AUTS2: variants seen among roughly 807,000 people sequenced by gnomAD.
AUTS2 encodes activator of transcription and developmental regulator AUTS2.
In AUTS2, 17 loss-of-function variants were observed where a neutral mutation model predicts 112.4. That is an observed-to-expected ratio of 0.15 (90% CI 0.10 to 0.23). AUTS2 has a LOEUF of 0.23. Among genes scored for constraint, AUTS2 ranks in the 10% least tolerant of loss-of-function variants. AUTS2 has a pLI of 1.00. For missense variants in AUTS2, 1,510 were observed against 1,701.6 expected (o/e 0.89, Z 1.98); for synonymous variants, 751 against 702.7 (o/e 1.07, Z -1.09).
intron 6 of AUTS2, among the ~76,000 whole-genome samples, chr7:70,755,403 G>C (rs772726065): frequency 6.6e-6 from 1 of 151,978 alleles, no homozygotes; most frequent in South Asian, 2.1e-4. Flanking sequence ...GGTGGCTCAC[G>C]CCTGTAATCC....
chr7:70,547,555 A>C (rs1452138155), intron 5 of AUTS2, among the ~76,000 whole-genome samples: 1 of 152,126 alleles, frequency 6.6e-6, no homozygotes, highest in African/African-American at 2.4e-5. Context: ...GCCCGGCCGT[A>C]ATGTGTGGTC....
intron 1 of AUTS2, among the ~76,000 whole-genome samples, chr7:69,733,747 A>G (rs1269909119): frequency 6.6e-6 from 1 of 152,110 alleles, no homozygotes; most frequent in Non-Finnish European, 1.5e-5. Flanking sequence ...TTTCTACCCA[A>G]ATCCCTGCAA....
At chr7:70,362,526 T>A (rs1328263791) in intron 4 of AUTS2, among the ~76,000 whole-genome samples, 1 of 152,082 alleles carries the variant, frequency 6.6e-6, no homozygotes, top group Admixed American at 6.6e-5. Context: ...AAAATAAGTA[T>A]GTTCGTTGAT....
intron 1 of AUTS2, among the ~76,000 whole-genome samples, chr7:69,723,172 G>A (rs1799055817): frequency 6.6e-6 from 1 of 151,966 alleles, no homozygotes; most frequent in East Asian, 1.9e-4. Context: ...GCCAGTGTAG[G>A]ACTCTCCCAC....
At position 70,298,728 on chromosome 7, in the gene AUTS2, C is replaced by T. The variant is rs369339189; in HGVS notation, c.661-137024C>T. Among the ~76,000 whole-genome samples the T allele has an allele frequency of 2.0e-5, 3 of 152,294 alleles. No homozygotes were observed. In the East Asian group the frequency reaches 5.8e-4, roughly 29 times the overall value. The stretch of plus-strand genomic sequence containing the variant: ...ATACCTGGGCTCACCTTCTCCTTAA[C>T]CCAAATTAACACATGCTGTTAGTGG... On this transcript the variant is annotated intron_variant, in intron 4 of 18. Coordinates refer to ENST00000342771, the MANE Select transcript of AUTS2 (RefSeq NM_015570.4).
intron 4 of AUTS2, among the ~76,000 whole-genome samples, chr7:70,243,231 T>TTGTGTGTGTGTG (rs3078161): frequency 3.8e-5 from 5 of 131,754 alleles, no homozygotes; most frequent in South Asian, 2.7e-4. Context: ...GAATGTATCC[T>TTGTGTGTGTGTG]TGTGTGTGTG....
At chr7:70,606,641 G>A (rs763579024) in intron 5 of AUTS2, among the ~76,000 whole-genome samples, 18 of 152,026 alleles carry the variant, frequency 1.2e-4, no homozygotes, top group Non-Finnish European at 2.2e-4. Flanking sequence ...CAGGCAGATC[G>A]CCTGAGGTCG....
chr7:69,855,259 A>G (rs1160604376), intron 1 of AUTS2, among the ~76,000 whole-genome samples: 1 of 152,222 alleles, frequency 6.6e-6, no homozygotes, highest in Non-Finnish European at 1.5e-5. Flanking sequence ...GTTCATGGAC[A>G]AGCTAAGTAC....
chr7:70,087,827 C>T (rs563513578), intron 2 of AUTS2, among the ~76,000 whole-genome samples: 7 of 152,244 alleles, frequency 4.6e-5, no homozygotes, highest in Non-Finnish European at 1.0e-4. Context: ...GATTTATCAG[C>T]GAAGCCCTTG....
At chr7:69,699,302 A>G (rs1294845999) in intron 1 of AUTS2, among the ~76,000 whole-genome samples, 1 of 152,184 alleles carries the variant, frequency 6.6e-6, no homozygotes, top group African/African-American at 2.4e-5. Flanking sequence ...TATGTGCCCC[A>G]TTCTTCAGGC....
rs1585203749 is a variant in AUTS2, at chr7:70,486,932, A to G, written c.690+51151A>G. 2.4e-5 allele frequency among the ~76,000 whole-genome samples: 3 copies of G among 127,376 alleles called. No homozygotes were observed. The Admixed American group carries it at 2.5e-4, about 10-fold the overall frequency. 83.6% of individuals were successfully genotyped at this position (127,376 alleles called of 152,430 possible). A position where few individuals can be genotyped will look rare whatever the true frequency, so the allele number is the denominator to read the frequency against. On this transcript the variant is annotated intron_variant, in intron 5 of 18. Coordinates refer to ENST00000342771, the MANE Select transcript of AUTS2 (RefSeq NM_015570.4). ...CCAAAAAAAAAGAAGAAAAGGTTGC[A>G]TATCATCACTTTAAAAGCTGAAGCA...
At chr7:70,717,523 A>G (rs1032188302) in intron 6 of AUTS2, among the ~76,000 whole-genome samples, 2 of 152,142 alleles carry the variant, frequency 1.3e-5, no homozygotes, top group African/African-American at 4.8e-5. Context: ...GGGAGAGGAA[A>G]TTGATCTCCT....
chr7:69,934,875 TGTGC>T (rs1796351709), intron 2 of AUTS2, among the ~76,000 whole-genome samples: 1 of 152,192 alleles, frequency 6.6e-6, no homozygotes, highest in Non-Finnish European at 1.5e-5. Context: ...CCCAAACTGA[TGTGC>T]GTGTGTACCT....
rs1789916705 is a variant in AUTS2, at chr7:70,766,016, C to T, written c.1469-98C>T. The T allele has an allele frequency of 1.3e-6, 2 of 1,520,318 alleles. No homozygotes were observed. Among genetic ancestry groups the T allele is most frequent in the South Asian group, 2.6e-5 (2 of 77,972 alleles). 94.2% of individuals were successfully genotyped at this position (1,520,318 alleles called of 1,614,324 possible). A position where few individuals can be genotyped will look rare whatever the true frequency, so the allele number is the denominator to read the frequency against. ...GCCCAGCCACACCCTGTCACCCCTG[C>T]CACTGTGTCACCAGCCCCGTACCCC... On this transcript the variant is annotated intron_variant, in intron 8 of 18. Transcript: ENST00000342771. The surrounding 1 kb of genome is among the most constrained non-coding windows in gnomAD (Gnocchi z 4.8).
At chr7:70,709,236 C>G (rs1465957550) in intron 6 of AUTS2, among the ~76,000 whole-genome samples, 1 of 151,896 alleles carries the variant, frequency 6.6e-6, no homozygotes, top group African/African-American at 2.4e-5. Context: ...AAATTCTTAC[C>G]AGGTTGGCCC....
chr7:70,224,497 A>G (rs114680823), intron 4 of AUTS2, among the ~76,000 whole-genome samples: 4,087 of 152,294 alleles, frequency 0.027, 61 homozygotes, highest in Non-Finnish European at 0.029. Flanking sequence ...TTTTTAAGCT[A>G]AATGTTATTA....
At chr7:70,669,844 A>G (rs1215380895) in intron 5 of AUTS2, among the ~76,000 whole-genome samples, 2 of 152,242 alleles carry the variant, frequency 1.3e-5, no homozygotes, top group African/African-American at 4.8e-5. Flanking sequence ...CAATTAGCAG[A>G]TTCAAACAGA....
At chr7:69,619,765 A>T (rs1793569101) in intron 1 of AUTS2, among the ~76,000 whole-genome samples, 1 of 152,214 alleles carries the variant, frequency 6.6e-6, no homozygotes, top group Non-Finnish European at 1.5e-5. Context: ...GGATAAAAAC[A>T]GTGAACTAAA....
At chr7:70,712,915 G>T (rs560419009) in intron 6 of AUTS2, among the ~76,000 whole-genome samples, 1 of 152,246 alleles carries the variant, frequency 6.6e-6, no homozygotes, top group South Asian at 2.1e-4. Flanking sequence ...CTCCTGGGTT[G>T]GTTTGTTTGT....
Sources: allele counts gnomAD v4.1 joint callset (sites outside exome capture counted in the v4.1 genomes callset), GRCh38; gene constraint gnomAD v4.1.1; non-coding constraint Gnocchi (gnomAD v3.1); transcripts MANE v1.5; gene names NCBI Gene and HGNC (gene_info 2026-07-23, HGNC 2026-07-21).